The following BRINP1 variants were observed in gnomAD, a reference collection of about 807,000 sequenced individuals.
BRINP1 encodes BMP/retinoic acid inducible neural specific 1.
Under a neutral mutation model 72.9 loss-of-function variants are expected in BRINP1, and 17 were observed. That is an observed-to-expected ratio of 0.23 (90% CI 0.16 to 0.35). The LOEUF is 0.35. Among genes scored for constraint, BRINP1 ranks in the 10% least tolerant of loss-of-function variants. The pLI is 1.00. For synonymous variants in BRINP1, 418 were observed against 378.5 expected (o/e 1.10, Z -1.21); for missense variants, 850 against 1,001.6 (o/e 0.85, Z 2.04).
At chr9:119,233,410 G>T (rs1830165045) in intron 5 of BRINP1, among the ~76,000 whole-genome samples, 1 of 151,980 alleles carries the variant, frequency 6.6e-6, no homozygotes, top group Non-Finnish European at 1.5e-5. Flanking sequence ...ACATAAATAA[G>T]CAAAAATAAA....
intron 1 of BRINP1, among the ~76,000 whole-genome samples, chr9:119,329,282 G>A (rs144244705): frequency 1.6e-3 from 236 of 152,200 alleles, no homozygotes; most frequent in African/African-American, 4.4e-3. Flanking sequence ...TTTCCAGCAG[G>A]TCCCTACTGA....
chr9:119,238,662 G>A lies in BRINP1; in HGVS notation c.678C>T (p.His226=), dbSNP rs760453940. ...TTTCCACTGGCTTCCTACCTTGAAG[G>A]TGCAGTTTGCTCTCCGTGCTTTGCA... The part of the protein sequence containing the change: ...VLLQSTESKL[H]LQGLQIIFPQ... Residue 226 remains histidine (H), a synonymous_variant, in exon 5 of 8, where the codon CAC becomes CAT. Coordinates refer to ENST00000265922, the MANE Select transcript of BRINP1 (RefSeq NM_014618.3). 1.2e-6 allele frequency: 2 copies of A among 1,603,416 alleles called. No homozygotes were observed. Among genetic ancestry groups the A allele is most frequent in the Non-Finnish European group, 1.7e-6 (2 of 1,175,176 alleles).
At chr9:119,220,222 G>A (rs531034115) in intron 5 of BRINP1, among the ~76,000 whole-genome samples, 1 of 152,224 alleles carries the variant, frequency 6.6e-6, no homozygotes, top group East Asian at 1.9e-4. Context: ...CTGTGTTATT[G>A]AGTTTCAACC....
intron 5 of BRINP1, among the ~76,000 whole-genome samples, chr9:119,226,450 C>T (rs150008926): frequency 6.6e-6 from 1 of 152,154 alleles, no homozygotes; most frequent in Non-Finnish European, 1.5e-5. Flanking sequence ...TATAGCCCCA[C>T]ATGGCTACAT....
chr9:119,309,001 A>G (rs1831032246), intron 2 of BRINP1, among the ~76,000 whole-genome samples: 1 of 152,148 alleles, frequency 6.6e-6, no homozygotes, highest in Non-Finnish European at 1.5e-5. Context: ...ATAAAACACA[A>G]AAAGGTATTG....
chr9:119,222,150 A>G (rs774082037), intron 5 of BRINP1, among the ~76,000 whole-genome samples: 1 of 152,112 alleles, frequency 6.6e-6, no homozygotes, highest in Non-Finnish European at 1.5e-5. Context: ...AAGTCCAACA[A>G]TGTTCCAGAT....
intron 7 of BRINP1, among the ~76,000 whole-genome samples, chr9:119,202,987 T>C (rs904259022): frequency 2.0e-5 from 3 of 152,184 alleles, no homozygotes; most frequent in African/African-American, 7.2e-5. Flanking sequence ...GGGTTTCTGC[T>C]TGGGCTTGAG....
Position 119,214,188 on chromosome 9 carries a change from A to C in BRINP1, c.686-33T>G, listed in dbSNP as rs189889850. On this transcript the variant is annotated intron_variant, in intron 5 of 7. Transcript: ENST00000265922. ...AGAATAGCAAGAAGGGAAAACAGAA[A>C]GGTTTAAAAAAAGGTGTTTCATTAA... The C allele has an allele frequency of 7.2e-4, 1,105 of 1,527,728 alleles. 1 individual carries two copies. The highest frequency in any genetic ancestry group is 9.5e-4 in the Non-Finnish European group (1,052 of 1,105,320). The allele number at this position is 1,527,728 out of a possible 1,614,324, so 94.6% of individuals were successfully genotyped here. A position where few individuals can be genotyped will look rare whatever the true frequency, so the allele number is the denominator to read the frequency against.
At chr9:119,256,597 T>C (rs530041973) in intron 2 of BRINP1, among the ~76,000 whole-genome samples, 35 of 152,318 alleles carry the variant, frequency 2.3e-4, no homozygotes, top group African/African-American at 8.4e-4. Context: ...GTATGAACAA[T>C]TGTTAGCTGC....
chr9:119,177,984 CAG>C (rs1280738770), intron 7 of BRINP1, among the ~76,000 whole-genome samples: 3 of 152,000 alleles, frequency 2.0e-5, no homozygotes, highest in Middle Eastern at 3.4e-3. Context: ...GGAAAGAAAA[CAG>C]AGGGGAAAGG....
At chr9:119,346,517 A>G (rs1460024569) in intron 1 of BRINP1, among the ~76,000 whole-genome samples, 1 of 152,226 alleles carries the variant, frequency 6.6e-6, no homozygotes, top group Non-Finnish European at 1.5e-5. Flanking sequence ...ATCAAAATAA[A>G]ATATTACTCT....
At chr9:119,201,945 C>T (rs142815146) in intron 7 of BRINP1, among the ~76,000 whole-genome samples, 13 of 152,240 alleles carry the variant, frequency 8.5e-5, no homozygotes, top group Admixed American at 6.5e-4. Context: ...TTCTCTCCTG[C>T]ATCCCTCCCT....
intron 6 of BRINP1, among the ~76,000 whole-genome samples, chr9:119,211,571 G>T (rs779865634): frequency 6.6e-5 from 10 of 152,178 alleles, no homozygotes; most frequent in Non-Finnish European, 1.0e-4. Flanking sequence ...TTTATGTATA[G>T]AAACTAGGCC....
At chr9:119,263,129 G>C (rs1830513640) in intron 2 of BRINP1, among the ~76,000 whole-genome samples, 1 of 152,138 alleles carries the variant, frequency 6.6e-6, no homozygotes, top group Non-Finnish European at 1.5e-5. Flanking sequence ...AAAACTATCA[G>C]ACACAGATGC....
rs1417416597 is a variant in BRINP1 at position 119,238,805 on chromosome 9, G to A, written c.580-45C>T. On this transcript the variant is annotated intron_variant, in intron 4 of 7. Coordinates refer to ENST00000265922, the MANE Select transcript of BRINP1 (RefSeq NM_014618.3). ...AGATAGGTGTGAGACAGCAGTCCTT[G>A]TCTAGGACATACCCCAAAGAGTCAT... 8 of 1,296,086 alleles carry A rather than the reference G, an allele frequency of 6.2e-6. No homozygotes were observed. In the Admixed American group the frequency reaches 7.6e-5, roughly 12 times the overall value. 80.3% of individuals were successfully genotyped at this position (1,296,086 alleles called of 1,614,324 possible).
chr9:119,237,616 C>A (rs891222955), intron 5 of BRINP1, among the ~76,000 whole-genome samples: 1 of 151,808 alleles, frequency 6.6e-6, no homozygotes, highest in Non-Finnish European at 1.5e-5. Context: ...CCCGCCTCGG[C>A]CTCCCAAAGT....
chr9:119,220,453 C>G (rs1350005755), intron 5 of BRINP1, among the ~76,000 whole-genome samples: 1 of 152,190 alleles, frequency 6.6e-6, no homozygotes, highest in Non-Finnish European at 1.5e-5. Flanking sequence ...ATAGCCCAAT[C>G]TTCATCGCTG....
intron 2 of BRINP1, among the ~76,000 whole-genome samples, chr9:119,284,357 G>A (rs916394114): frequency 6.6e-6 from 1 of 152,196 alleles, no homozygotes; most frequent in African/African-American, 2.4e-5. Context: ...ACAGGCAAGA[G>A]GCCCTAACTC....
intron 1 of BRINP1, among the ~76,000 whole-genome samples, chr9:119,360,634 T>A (rs1831619795): frequency 6.6e-6 from 1 of 151,960 alleles, no homozygotes; most frequent in African/African-American, 2.4e-5. Flanking sequence ...AAAGCAATCA[T>A]ATCCTGGATG....
Sources: gnomAD v4.1 joint callset for allele counts (sites outside exome capture counted in the v4.1 genomes callset) on GRCh38, gnomAD v4.1.1 for gene constraint, MANE v1.5 for transcripts, NCBI Gene and HGNC (gene_info 2026-07-23, HGNC 2026-07-21) for gene names.